Variants in ANGPTL1 observed in about 807,000 individuals in gnomAD.
The protein encoded by ANGPTL1 is angiopoietin-related protein 1.
Under a neutral mutation model 46.7 loss-of-function variants are expected in ANGPTL1, and 36 were observed. The ratio of observed to expected loss-of-function variants is 0.77; its 90% CI spans 0.59 to 1.02. The LOEUF (loss-of-function observed/expected upper bound fraction) is 1.02, where lower values mean the gene tolerates loss of function less well. ANGPTL1 is among the 50% of genes least tolerant of loss of function. The pLI is 0.00. For synonymous variants in ANGPTL1, 221 were observed against 204.3 expected (o/e 1.08, Z -0.69); for missense variants, 571 against 594.7 (o/e 0.96, Z 0.41).
rs1657123117 is a variant in ANGPTL1, at chr1:178,850,828, T to C, written c.*301A>G. The C allele has an allele frequency of 4.7e-6, 1 of 212,214 alleles. No individual in the cohort carries two copies. Among genetic ancestry groups the C allele is most frequent in the South Asian group, 1.7e-4 (1 of 5,868 alleles). 13.1% of individuals were successfully genotyped at this position (212,214 alleles called of 1,614,324 possible). The stretch of plus-strand genomic sequence containing the variant: ...TATCTTGAACATGTTATTTATGATT[T>C]AAAATATAGCTAAGATTTGCTTTAC... On this transcript the variant is annotated 3_prime_UTR_variant, in exon 6 of 6. Transcript: ENST00000234816.
rs890966910 is a variant in ANGPTL1, at chr1:178,849,893, T to A, written c.*1236A>T. On this transcript the variant is annotated 3_prime_UTR_variant, in exon 6 of 6. Coordinates refer to ENST00000234816, the MANE Select transcript of ANGPTL1 (RefSeq NM_004673.4). ...TTTTCTTTTTGCTTAAGCAAAAGTT[T>A]CATGAGCTATCTTTAAAATTTTAAC... The A allele has an allele frequency of 6.6e-6, 1 of 152,244 alleles. No individual in the cohort carries two copies. The highest frequency in any genetic ancestry group is 1.5e-5 in the Non-Finnish European group (1 of 68,034). The allele number at this position is 152,244 out of a possible 1,614,324, so 9.4% of individuals were successfully genotyped here.
intron 3 of ANGPTL1, among the ~76,000 whole-genome samples, chr1:178,861,574 G>T (rs1489044424): frequency 6.6e-6 from 1 of 151,964 alleles, no homozygotes; most frequent in African/African-American, 2.4e-5. Flanking sequence ...ATTTCTGCTA[G>T]AATTGGTTAT....
intron 5 of ANGPTL1, 55 bp downstream of exon 5, chr1:178,852,628 A>G: frequency 6.5e-7 from 1 of 1,542,780 alleles, no homozygotes. Context: ...AGTAGATTCT[A>G]TTTAATGCAT....
chr1:178,849,553 A>AC lies in ANGPTL1; in HGVS notation c.*1575_*1576insG, dbSNP rs1184604957. On this transcript the variant is annotated 3_prime_UTR_variant, in exon 6 of 6. Coordinates refer to ENST00000234816, the MANE Select transcript of ANGPTL1 (RefSeq NM_004673.4). ...CTTTCAATAACTGAGAAGCCTTGGT[A>AC]AAGTTTTATTCACTTAAGATTTGGT... 1.3e-5 allele frequency among the ~76,000 whole-genome samples: 2 copies of AC among 152,238 alleles called. No homozygotes were observed. Among genetic ancestry groups the AC allele is most frequent in the Non-Finnish European group, 2.9e-5 (2 of 68,036 alleles).
intron 2 of ANGPTL1, among the ~76,000 whole-genome samples, chr1:178,867,992 T>G (rs933891216): frequency 6.6e-6 from 1 of 151,938 alleles, no homozygotes; most frequent in Non-Finnish European, 1.5e-5. Context: ...GTATGGAGAA[T>G]TATTATTATT....
rs527490837 is a variant in ANGPTL1 at position 178,853,906 on chromosome 1, T to C, written c.824-119A>G. ...TTTACAGTTACCATTGTTTATCATA[T>C]ATACAATATTATAAAATATAACTAA... is the stretch of plus-strand genomic sequence containing the variant. On this transcript the variant is annotated intron_variant, in intron 3 of 5. Coordinates refer to ENST00000234816, the MANE Select transcript of ANGPTL1 (RefSeq NM_004673.4). 13 of 596,308 alleles carry C rather than the reference T, an allele frequency of 2.2e-5. 1 individual carries two copies. In the South Asian group the frequency reaches 3.2e-4, roughly 15 times the overall value. The allele number at this position is 596,308 out of a possible 1,614,324, so 36.9% of individuals were successfully genotyped here.
At chr1:178,868,712 G>A (rs1157119867) in intron 2 of ANGPTL1, among the ~76,000 whole-genome samples, 2 of 151,986 alleles carry the variant, frequency 1.3e-5, no homozygotes, top group Non-Finnish European at 2.9e-5. Flanking sequence ...TTGGCTCATT[G>A]TGGTTCCTAT....
chr1:178,865,289 G>A lies in ANGPTL1; in HGVS notation c.488C>T (p.Thr163Ile), dbSNP rs541521139. The A allele has an allele frequency of 1.2e-6, 2 of 1,614,056 alleles. No individual in the cohort carries two copies. Among genetic ancestry groups the A allele is most frequent in the Non-Finnish European group, 1.7e-6 (2 of 1,179,974 alleles). Residue 163 changes from threonine (T) to isoleucine (I), a missense_variant, in exon 3 of 6, where the codon ACA becomes ATA. Thr to Ile is a moderately conservative substitution (Grantham distance 89). Coordinates refer to ENST00000234816, the MANE Select transcript of ANGPTL1 (RefSeq NM_004673.4). ...QLENKILNVT[T>I]EMLKMATRYR... ...TCTTGTTGCCATCTTCAACATTTCT[G>A]TGGTGACATTGAGGATTTTGTTTTC...
chr1:178,850,320 A>T lies in ANGPTL1; in HGVS notation c.*809T>A, dbSNP rs77343283. 3,276 of 152,690 alleles carry T rather than the reference A, an allele frequency of 0.021. 41 individuals are homozygous for T. The highest frequency in any genetic ancestry group is 0.041 in the Middle Eastern group (12 of 294). 9.5% of individuals were successfully genotyped at this position (152,690 alleles called of 1,614,324 possible). On this transcript the variant is annotated 3_prime_UTR_variant, in exon 6 of 6. Transcript: ENST00000234816. ...ATAATAAATTAGAACTATAATTCAG[A>T]TCTGTAGCACACTAAATATTCTGCA...
intron 3 of ANGPTL1, among the ~76,000 whole-genome samples, chr1:178,856,394 A>ATTTTTTTTGTTT (rs1657576677): frequency 2.7e-5 from 1 of 36,432 alleles, no homozygotes; most frequent in Non-Finnish European, 4.7e-5. Flanking sequence ...TGCCTGGCTA[A>ATTTTTTTTGTTT]TTTTTTTTTT....
At chr1:178,868,442 T>C (rs1181567011) in intron 2 of ANGPTL1, among the ~76,000 whole-genome samples, 1 of 151,980 alleles carries the variant, frequency 6.6e-6, no homozygotes, top group Non-Finnish European at 1.5e-5. Flanking sequence ...ACTTAAATAA[T>C]ATTTACTATG....
chr1:178,856,195 AGAGAGAG>A (rs1286301954), intron 3 of ANGPTL1, among the ~76,000 whole-genome samples: 1 of 39,206 alleles, frequency 2.6e-5, no homozygotes, highest in African/African-American at 1.0e-4. Context: ...TTTTCCAGAG[AGAGAGAG>A]ATATATATAT....
Position 178,865,364 on chromosome 1 carries a change from A to C in ANGPTL1, c.413T>G (p.Leu138Ter). The change falls in exon 3 of 6, where the codon TTA becomes TGA. Residue 138 changes from leucine (L) to a stop codon, truncating the protein, a stop_gained. Coordinates refer to ENST00000234816, the MANE Select transcript of ANGPTL1 (RefSeq NM_004673.4). LOFTEE classifies it high-confidence loss of function. Reference sequence around the variant, plus strand: ...ATCCCTCTTACGGATAATCTCATGTAATAATTGCATATAGAGTTGAGTAAC... The same window carrying C: ...ATCCCTCTTACGGATAATCTCATGTCATAATTGCATATAGAGTTGAGTAAC... ...SRVTQLYMQL[L>*]HEIIRKRDNS... 6.2e-7 allele frequency: 1 copy of C among 1,614,156 alleles called. No homozygotes were observed. The highest frequency in any genetic ancestry group is 8.5e-7 in the Non-Finnish European group (1 of 1,180,006).
intron 3 of ANGPTL1, among the ~76,000 whole-genome samples, chr1:178,856,202 G>GAGAGATATATATATATATATAT (rs1428022812): frequency 8.3e-5 from 7 of 83,908 alleles, no homozygotes; most frequent in African/African-American, 4.5e-4. Context: ...GAGAGAGAGA[G>GAGAGATATATATATATATATAT]ATATATATAT....
chr1:178,868,298 G>A (rs1204749631), intron 2 of ANGPTL1, among the ~76,000 whole-genome samples: 1 of 151,682 alleles, frequency 6.6e-6, no homozygotes, highest in Admixed American at 6.6e-5. Context: ...AAAAACTAGG[G>A]ACAAGAAATA....
intron 1 of ANGPTL1, among the ~76,000 whole-genome samples, chr1:178,869,861 TA>T (rs912731549): frequency 7.9e-5 from 12 of 152,196 alleles, no homozygotes; most frequent in African/African-American, 2.9e-4. Flanking sequence ...ATAGTTTTTA[TA>T]ATGCATGTAA....
At chr1:178,856,194 G>GATATATATATATATATATAT (rs776840814) in intron 3 of ANGPTL1, among the ~76,000 whole-genome samples, 10 of 99,142 alleles carry the variant, frequency 1.0e-4, no homozygotes, top group Admixed American at 2.3e-4. Flanking sequence ...CTTTTCCAGA[G>GATATATATATATATATATAT]AGAGAGAGAT....
intron 3 of ANGPTL1, among the ~76,000 whole-genome samples, chr1:178,855,246 T>A (rs1485297045): frequency 6.6e-6 from 1 of 151,812 alleles, no homozygotes; most frequent in Admixed American, 6.6e-5. Flanking sequence ...TAGAAGGGAT[T>A]CTTAGAGACT....
At position 178,869,090 on chromosome 1, in the gene ANGPTL1, ATAAAT is replaced by A. The variant is rs1403586670; in HGVS notation, c.-27+19_-27+23del. ...TTTTCCTAGGCCCCAAGAGAATGTT[ATAAAT>A]TAGTTATAGAATACTTACGTTTAAA... On this transcript the variant is annotated intron_variant, in intron 2 of 5. Transcript: ENST00000234816. 1.3e-5 allele frequency: 2 copies of A among 152,102 alleles called. No homozygotes were observed. The highest frequency in any genetic ancestry group is 4.8e-5 in the African/African-American group (2 of 41,468). The allele number at this position is 152,102 out of a possible 1,614,324, so 9.4% of individuals were successfully genotyped here.
Sources: gnomAD v4.1 joint callset for allele counts (sites outside exome capture counted in the v4.1 genomes callset) on GRCh38, gnomAD v4.1.1 for gene constraint, MANE v1.5 for transcripts, NCBI Gene and HGNC (gene_info 2026-07-23, HGNC 2026-07-21) for gene names.